The following SPP2 variants were observed in gnomAD, a reference collection of about 807,000 sequenced individuals.
The protein encoded by SPP2 is secreted phosphoprotein 2, also known as secreted phosphoprotein 24.
In SPP2, 34 loss-of-function variants were observed where a neutral mutation model predicts 28.8. That is an observed-to-expected ratio of 1.18 (90% CI 0.90 to 1.57). The LOEUF is 1.57. Among genes scored for constraint, SPP2 ranks in the 40% most tolerant of loss-of-function variants. SPP2 has a pLI of 0.00. For missense variants in SPP2, 269 were observed against 263.9 expected (o/e 1.02, Z -0.13); for synonymous variants, 96 against 89.4 (o/e 1.07, Z -0.42).
chr2:234,069,790 C>T, intron 6 of SPP2, 138 bp from the exon 7 acceptor site: 2 of 640,508 alleles, frequency 3.1e-6, no homozygotes, highest in Non-Finnish European at 5.7e-6. Context: ...AGTTATCGCA[C>T]CCTCAGGTAT....
At chr2:234,075,959 C>T (rs1285661681) in intron 7 of SPP2, among the ~76,000 whole-genome samples, 4 of 152,176 alleles carry the variant, frequency 2.6e-5, no homozygotes, top group East Asian at 1.9e-4. Context: ...ATCCTTGCTC[C>T]GAAATGTTTC....
intron 4 of SPP2, among the ~76,000 whole-genome samples, chr2:234,062,474 C>T (rs1341653256): frequency 6.6e-6 from 1 of 152,136 alleles, no homozygotes; most frequent in Non-Finnish European, 1.5e-5. Context: ...GCTGGAGGAA[C>T]ATTAGCAGTC....
At chr2:234,056,696 G>A (rs1693614654) in intron 2 of SPP2, among the ~76,000 whole-genome samples, 1 of 152,084 alleles carries the variant, frequency 6.6e-6, no homozygotes, top group African/African-American at 2.4e-5. Flanking sequence ...CAGTTGATGG[G>A]AGAGATTTTT....
intron 6 of SPP2, among the ~76,000 whole-genome samples, chr2:234,069,355 G>T (rs1392323959): frequency 6.6e-6 from 1 of 152,214 alleles, no homozygotes. Context: ...GACTGCCCAG[G>T]AGTGTGAATA....
intron 2 of SPP2, among the ~76,000 whole-genome samples, chr2:234,053,119 G>A (rs900720681): frequency 2.0e-5 from 3 of 151,884 alleles, no homozygotes; most frequent in Non-Finnish European, 4.4e-5. Flanking sequence ...GAAAAGTGCA[G>A]AATTAAAATA....
intron 7 of SPP2, among the ~76,000 whole-genome samples, chr2:234,074,931 A>T (rs1230029791): frequency 6.6e-6 from 1 of 151,838 alleles, no homozygotes; most frequent in East Asian, 1.9e-4. Flanking sequence ...TGCACTTAGA[A>T]ACACTTGACA....
intron 7 of SPP2, among the ~76,000 whole-genome samples, chr2:234,073,366 G>A (rs974544557): frequency 6.6e-6 from 1 of 152,322 alleles, no homozygotes; most frequent in South Asian, 2.1e-4. Context: ...GAATGAATGA[G>A]TGCATGACCA....
At chr2:234,075,923 A>G (rs1453592325) in intron 7 of SPP2, among the ~76,000 whole-genome samples, 2 of 151,548 alleles carry the variant, frequency 1.3e-5, no homozygotes, top group Non-Finnish European at 2.9e-5. Context: ...TCCCCACCTC[A>G]CCCAGTTGGT....
At chr2:234,061,794 C>A (rs1332182270) in intron 4 of SPP2, among the ~76,000 whole-genome samples, 2 of 152,176 alleles carry the variant, frequency 1.3e-5, no homozygotes, top group African/African-American at 4.8e-5. Flanking sequence ...ACTTTCTCCA[C>A]AAAAAGTTCA....
chr2:234,064,193 C>A (rs1200534236), intron 4 of SPP2, among the ~76,000 whole-genome samples: 1 of 150,832 alleles, frequency 6.6e-6, no homozygotes, highest in African/African-American at 2.4e-5. Flanking sequence ...TCCTCCCTCT[C>A]CCTCTCCTTC....
rs1005508997 is a variant in SPP2, at chr2:234,067,667, C to T, written c.550+393C>T. On this transcript the variant is annotated intron_variant, in intron 6 of 7. Coordinates refer to ENST00000168148, the MANE Select transcript of SPP2 (RefSeq NM_006944.3). The stretch of plus-strand genomic sequence containing the variant: ...TGGTGGGCGCCTGTAGTCCCAGCTA[C>T]TCGGGAGGCTAAGGCAGGAGAATGG... Among the ~76,000 whole-genome samples the T allele has an allele frequency of 9.9e-5, 15 of 151,376 alleles. No individual in the cohort carries two copies. The East Asian group carries it at 2.8e-3, about 28-fold the overall frequency.
At chr2:234,060,755 A>ATACACACG (rs1693705081) in intron 4 of SPP2, among the ~76,000 whole-genome samples, 2 of 150,608 alleles carry the variant, frequency 1.3e-5, no homozygotes, top group African/African-American at 5.0e-5. Context: ...ACGCACACAC[A>ATACACACG]CACACATGCA....
intron 2 of SPP2, among the ~76,000 whole-genome samples, chr2:234,051,377 C>T (rs11563197): frequency 0.2 from 30,391 of 152,070 alleles, 5,698 homozygotes; most frequent in African/African-American, 0.5. Flanking sequence ...GAAGTCCTCG[C>T]GATTCTTTCT....
intron 3 of SPP2, among the ~76,000 whole-genome samples, 158 bp downstream of exon 3, chr2:234,059,116 TC>T (rs1463573083): frequency 6.6e-6 from 1 of 152,198 alleles, no homozygotes; most frequent in East Asian, 1.9e-4. Context: ...GAAGTGTTAC[TC>T]CGTGGCTGAA....
At position 234,074,706 on chromosome 2, in the gene SPP2, G is replaced by T. The variant is rs529146117; in HGVS notation, c.*11-2139G>T. ...CTAAACTATTGCTCATATAGGCAAT[G>T]CAGGGTTAGAATTCTCTGAGCCTCT... On this transcript the variant is annotated intron_variant, in intron 7 of 7. Coordinates refer to ENST00000168148, the MANE Select transcript of SPP2 (RefSeq NM_006944.3). Among the ~76,000 whole-genome samples the T allele has an allele frequency of 1.9e-3, 291 of 152,294 alleles. 1 individual carries two copies. Among genetic ancestry groups the T allele is most frequent in the African/African-American group, 6.7e-3 (279 of 41,552 alleles).
At chr2:234,074,467 A>G (rs1381901405) in intron 7 of SPP2, among the ~76,000 whole-genome samples, 1 of 152,060 alleles carries the variant, frequency 6.6e-6, no homozygotes, top group Non-Finnish European at 1.5e-5. Context: ...CAGCCCCCCT[A>G]CTGAAGAGAG....
At chr2:234,064,000 G>A (rs1042200290) in intron 4 of SPP2, among the ~76,000 whole-genome samples, 3 of 152,060 alleles carry the variant, frequency 2.0e-5, no homozygotes, top group African/African-American at 7.2e-5. Flanking sequence ...TAATTCCCTG[G>A]ATCACATTCC....
At chr2:234,056,382 G>A (rs1227044326) in intron 2 of SPP2, 1 of 152,178 alleles carries the variant, frequency 6.6e-6, no homozygotes, top group Admixed American at 6.5e-5. Flanking sequence ...ACTTCTTATT[G>A]TTCAGCATTT....
At chr2:234,065,564 C>A (rs1201932282) in intron 4 of SPP2, among the ~76,000 whole-genome samples, 1 of 152,232 alleles carries the variant, frequency 6.6e-6, no homozygotes, top group Non-Finnish European at 1.5e-5. Flanking sequence ...CAGGCATGAA[C>A]CACTGTGCCT....
Sources: gnomAD v4.1 joint callset for allele counts (sites outside exome capture counted in the v4.1 genomes callset) on GRCh38, gnomAD v4.1.1 for gene constraint, MANE v1.5 for transcripts, NCBI Gene and HGNC (gene_info 2026-07-23, HGNC 2026-07-21) for gene names.